Variants in SKAP2 observed in about 807,000 individuals in gnomAD.
SKAP2 encodes the protein src kinase-associated phosphoprotein 2.
A neutral mutation model predicts 54.9 loss-of-function variants in SKAP2; 28 were observed. The observed-to-expected ratio is 0.51, with a 90% CI of 0.38 to 0.70. The LOEUF (loss-of-function observed/expected upper bound fraction) is 0.70, where lower values mean the gene tolerates loss of function less well. SKAP2 is among the 30% of genes least tolerant of loss of function. The probability of loss-of-function intolerance (pLI) is 0.00; values close to 1 mark genes in which losing one functional copy is unlikely to be tolerated. For missense variants in SKAP2, 356 were observed against 424.1 expected, an observed-to-expected ratio of 0.84 and a Z score of 1.41; for synonymous variants, 137 against 134.3, an observed-to-expected ratio of 1.02 and a Z score of -0.14.
intron 4 of SKAP2, among the ~76,000 whole-genome samples, chr7:26,799,757 G>T (rs147357115): frequency 2.6e-5 from 4 of 152,276 alleles, no homozygotes; most frequent in African/African-American, 9.6e-5. Context: ...TGCAGAATAC[G>T]CATTCTTTTC....
chr7:26,735,099 AC>A (rs1255303576), intron 6 of SKAP2, among the ~76,000 whole-genome samples: 1 of 151,608 alleles, frequency 6.6e-6, no homozygotes, highest in East Asian at 1.9e-4. Flanking sequence ...CCCTCCTCCA[AC>A]CCCACAGCAT....
intron 4 of SKAP2, among the ~76,000 whole-genome samples, chr7:26,793,367 A>G (rs3801840): frequency 0.21 from 32,526 of 152,214 alleles, 3,572 homozygotes; most frequent in Non-Finnish European, 0.24. Flanking sequence ...GTATCCTTAC[A>G]GAAGAATTCC....
chr7:26,748,049 T>A (rs1007454768), intron 4 of SKAP2, among the ~76,000 whole-genome samples: 1 of 152,290 alleles, frequency 6.6e-6, no homozygotes, highest in Non-Finnish European at 1.5e-5. Context: ...TCTCCACTCA[T>A]TTAAAACTGC....
intron 4 of SKAP2, among the ~76,000 whole-genome samples, chr7:26,838,840 A>G (rs1241156375): frequency 6.6e-6 from 1 of 152,220 alleles, no homozygotes; most frequent in Non-Finnish European, 1.5e-5. Context: ...ATCTGGTTTA[A>G]TATAACCTAG....
chr7:26,803,805 C>G (rs1012931566), intron 4 of SKAP2, among the ~76,000 whole-genome samples: 1 of 152,096 alleles, frequency 6.6e-6, no homozygotes, highest in African/African-American at 2.4e-5. Context: ...GAATGAGATC[C>G]AGTCATTTGC....
At chr7:26,790,944 A>G (rs890580767) in intron 4 of SKAP2, among the ~76,000 whole-genome samples, 19 of 152,214 alleles carry the variant, frequency 1.2e-4, no homozygotes, top group African/African-American at 4.3e-4. Flanking sequence ...GATATTTTTA[A>G]TAGTCAAATA....
chr7:26,660,611 T>G, the SKAP2 span, among the ~76,000 whole-genome samples: 40,754 of 151,874 alleles, frequency 0.27, 6,890 homozygotes, highest in East Asian at 0.46. Context: ...AGACTTATCT[T>G]TAATCACAGT....
intron 4 of SKAP2, among the ~76,000 whole-genome samples, chr7:26,809,705 A>C (rs547368753): frequency 3.3e-5 from 5 of 152,336 alleles, no homozygotes; most frequent in African/African-American, 1.2e-4. Context: ...AGCTTCCCCC[A>C]AAAAATTAAA....
chr7:26,864,055 T>TCACACACTCACACACA (rs1554310124), intron 1 of SKAP2, among the ~76,000 whole-genome samples: 123 of 143,434 alleles, frequency 8.6e-4, no homozygotes, highest in African/African-American at 3.0e-3. Context: ...CGCCCTTCTG[T>TCACACACTCACACACA]CACACACACA....
chr7:26,753,646 G>C (rs567180333), intron 4 of SKAP2, among the ~76,000 whole-genome samples: 29 of 152,272 alleles, frequency 1.9e-4, no homozygotes, highest in African/African-American at 6.7e-4. Context: ...GAGAGAGAAA[G>C]AGAGGCTGTC....
intron 3 of SKAP2, among the ~76,000 whole-genome samples, chr7:26,848,340 T>G (rs1205788188): frequency 6.6e-6 from 1 of 152,158 alleles, no homozygotes; most frequent in African/African-American, 2.4e-5. Flanking sequence ...AACTCCAAAA[T>G]GTTCCAAAAT....
intron 10 of SKAP2, among the ~76,000 whole-genome samples, chr7:26,689,788 C>A (rs1786741469): frequency 6.6e-6 from 1 of 152,306 alleles, no homozygotes; most frequent in East Asian, 1.9e-4. Context: ...GAGCCTGTGT[C>A]AAGTTGACCT....
intron 1 of SKAP2, among the ~76,000 whole-genome samples, chr7:26,863,259 A>G (rs1785304694): frequency 6.6e-6 from 1 of 152,344 alleles, no homozygotes; most frequent in South Asian, 2.1e-4. Flanking sequence ...CTATAGGAGT[A>G]ACATATAAAA....
At chr7:26,834,750 G>T (rs954117124) in intron 4 of SKAP2, among the ~76,000 whole-genome samples, 8 of 152,162 alleles carry the variant, frequency 5.3e-5, no homozygotes, top group Admixed American at 4.6e-4. Context: ...ATTCACAGCC[G>T]AATTCTACCA....
intron 9 of SKAP2, among the ~76,000 whole-genome samples, chr7:26,718,367 TTTTTG>T (rs1489222511): frequency 1.3e-5 from 2 of 152,084 alleles, no homozygotes; most frequent in African/African-American, 4.8e-5. Context: ...AAGGATCTCT[TTTTTG>T]TTTTAAAACT....
At chr7:26,815,349 T>A (rs538280628) in intron 4 of SKAP2, among the ~76,000 whole-genome samples, 2 of 152,164 alleles carry the variant, frequency 1.3e-5, no homozygotes, top group Non-Finnish European at 2.9e-5. Flanking sequence ...ATACAGAGAA[T>A]AGAATCTCAA....
chr7:26,785,727 T>C (rs1268868236), intron 4 of SKAP2, among the ~76,000 whole-genome samples: 1 of 152,160 alleles, frequency 6.6e-6, no homozygotes, highest in African/African-American at 2.4e-5. Flanking sequence ...AATCCCCATT[T>C]CTTTTTTCCC....
intron 4 of SKAP2, among the ~76,000 whole-genome samples, chr7:26,759,641 A>C (rs1389597481): frequency 6.6e-6 from 1 of 152,208 alleles, no homozygotes; most frequent in African/African-American, 2.4e-5. Flanking sequence ...CAAAGTTTAC[A>C]AACAGACTCA....
At chr7:26,831,489 A>G (rs973846567) in intron 4 of SKAP2, among the ~76,000 whole-genome samples, 1 of 152,198 alleles carries the variant, frequency 6.6e-6, no homozygotes, top group Non-Finnish European at 1.5e-5. Context: ...CAACACTCAC[A>G]AACAGTTGTG....
Sources: allele counts gnomAD v4.1 joint callset (sites outside exome capture counted in the v4.1 genomes callset), GRCh38; gene constraint gnomAD v4.1.1; transcripts MANE v1.5; gene names NCBI Gene and HGNC (gene_info 2026-07-23, HGNC 2026-07-21).